Variants in RIPK4 observed in about 807,000 individuals in gnomAD.
RIPK4 encodes the protein receptor interacting serine/threonine kinase 4.
RIPK4 carries 17 observed loss-of-function variants against 42.9 expected under a neutral mutation model. The ratio of observed to expected loss-of-function variants is 0.40; its 90% CI spans 0.27 to 0.59. The LOEUF is 0.59. Among genes scored for constraint, RIPK4 ranks in the 20% least tolerant of loss-of-function variants. RIPK4 has a pLI of 0.47. For synonymous variants in RIPK4, 498 were observed against 499.1 expected, an observed-to-expected ratio of 1.00 and a Z score of 0.03; for missense variants, 897 against 1,104.4, an observed-to-expected ratio of 0.81 and a Z score of 2.66.
At position 41,746,641 on chromosome 21, in the gene RIPK4, C is replaced by A. The variant is rs530359106; in HGVS notation, c.804G>T (p.Gly268=). Residue 268 remains glycine, a synonymous_variant, in exon 5 of 8, where the codon GGG becomes GGT. Transcript: ENST00000332512. ...LIRLMQRCWQ[G]DPRVRPTFQE... ...GGAAGGTGGGCCTAACTCGCGGATCCCCCTGCCAGCACCGCTGCATGAGGC... is the reference window on the plus strand; with the variant it reads ...GGAAGGTGGGCCTAACTCGCGGATCACCCTGCCAGCACCGCTGCATGAGGC... The A allele has an allele frequency of 2.9e-5, 46 of 1,610,732 alleles. No individual in the cohort carries two copies. The African/African-American group carries it at 5.9e-4, about 21-fold the overall frequency.
rs375104266 is a variant in RIPK4 at position 41,741,115 on chromosome 21, T to C, written c.2078A>G (p.Lys693Arg). Residue 693 changes from lysine (K) to arginine (R), a missense_variant, in exon 8 of 8, where the codon AAG (lysine) becomes AGG (arginine). Transcript: ENST00000332512. ...GGGTCCCCGGGCCAGCACATCGGCC[T>C]TCTCCTCGACAAGCAGCTTGACAGT... Reference protein sequence around the residue: ...LATVKLLVEEKADVLARGPLN... With the variant: ...LATVKLLVEERADVLARGPLN... 4 of 1,612,560 alleles carry C rather than the reference T, an allele frequency of 2.5e-6. No homozygotes were observed. In the African/African-American group the frequency reaches 5.3e-5, roughly 22 times the overall value.
rs1387469072 is a variant in RIPK4 at position 41,742,214 on chromosome 21, C to T, written c.1196-217G>A. Among the ~76,000 whole-genome samples the T allele has an allele frequency of 2.0e-5, 3 of 152,162 alleles. No individual in the cohort carries two copies. The highest frequency in any genetic ancestry group is 2.4e-5 in the African/African-American group (1 of 41,442). On this transcript the variant is annotated intron_variant, in intron 7 of 7. Transcript: ENST00000332512. This position sits in a 1 kb window ranked among gnomAD's most constrained non-coding sequence, Gnocchi z 5.1. ...GGCTGGCGAATGTCTCCCAGGTGCT[C>T]GTTAGTCGGTTTGCAAAATAAAACC...
intron 1 of RIPK4, among the ~76,000 whole-genome samples, chr21:41,761,795 G>T (rs1264128456): frequency 1.3e-5 from 2 of 152,198 alleles, no homozygotes; most frequent in Admixed American, 6.5e-5. Context: ...TCCACAAATA[G>T]TGTTTTCTTT....
rs1477516241 is a variant in RIPK4 at position 41,741,033 on chromosome 21, C to T, written c.2160G>A (p.Glu720=). ...CAATGACATCGGCGCTGACCAACTC[C>T]TCCACCACCTCCGAGTGCCCGTGGG... ...AAAHGHSEVV[E]ELVSADVIDL... Residue 720 remains glutamate (E), a synonymous_variant, in exon 8 of 8, where the codon GAG becomes GAA. Coordinates refer to ENST00000332512, the MANE Select transcript of RIPK4 (RefSeq NM_020639.3). 1 of 1,609,670 alleles carries T rather than the reference C, an allele frequency of 6.2e-7. No homozygotes were observed. Among genetic ancestry groups the T allele is most frequent in the East Asian group, 2.2e-5 (1 of 44,820 alleles).
rs2061148232 is a variant in RIPK4, at chr21:41,740,265, C to T, written c.*573G>A. 1 of 152,354 alleles carries T rather than the reference C, an allele frequency of 6.6e-6. No individual in the cohort carries two copies. The highest frequency in any genetic ancestry group is 6.5e-5 in the Admixed American group (1 of 15,292). 9.4% of individuals were successfully genotyped at this position (152,354 alleles called of 1,614,324 possible). A position where few individuals can be genotyped will look rare whatever the true frequency, so the allele number is the denominator to read the frequency against. On this transcript the variant is annotated 3_prime_UTR_variant, in exon 8 of 8. Transcript: ENST00000332512. ...CATAAAACATTGTTTTCAAAGCCAACCCCACTACTTAGTCATCATTTAGAG... is the reference window on the plus strand; with the variant it reads ...CATAAAACATTGTTTTCAAAGCCAATCCCACTACTTAGTCATCATTTAGAG...
chr21:41,766,714 G>T, intron 1 of RIPK4, 146 bp downstream of exon 1: 1 of 849,924 alleles, frequency 1.2e-6, no homozygotes, highest in Non-Finnish European at 1.7e-6. Context: ...TCGGAGCCCC[G>T]CGGCCTCGCC....
chr21:41,756,599 A>T lies in RIPK4; in HGVS notation c.400T>A (p.Cys134Ser), dbSNP rs1329451406. The change falls in exon 2 of 8, where the codon TGC becomes AGC. Residue 134 changes from cysteine to serine, a missense_variant. Cys to Ser is a moderately radical substitution (Grantham distance 112). Coordinates refer to ENST00000332512, the MANE Select transcript of RIPK4 (RefSeq NM_020639.3). ...AGGTGCAGGAGTGGCGGGGCCATGC[A>T]GTGCAGGAAGTTCATGCCCACCGCC... ...ETAVGMNFLH[C>S]MAPPLLHLDL... 1.9e-6 allele frequency: 3 copies of T among 1,613,370 alleles called. No individual in the cohort carries two copies. Among genetic ancestry groups the T allele is most frequent in the African/African-American group, 1.3e-5 (1 of 74,854 alleles).
At chr21:41,743,796 T>G in intron 7 of RIPK4, 86 bp downstream of exon 7, 3 of 1,462,994 alleles carry the variant, frequency 2.1e-6, no homozygotes, top group Non-Finnish European at 2.7e-6. Context: ...AACTGTCCCC[T>G]TGATTCCGTT....
Position 41,756,756 on chromosome 21 carries a change from G to T in RIPK4, c.243C>A (p.Ile81=). Residue 81 remains isoleucine, a synonymous_variant, in exon 2 of 8, where the codon ATC becomes ATA. Transcript: ENST00000332512. ...KKMEMAKFRY[I]LPVYGICREP... is the part of the protein sequence containing the mutation. ...CGCGGCAGATGCCATACACAGGCAG[G>T]ATGTAGCGAAACTTGGCCATCTCCA... The T allele has an allele frequency of 6.2e-7, 1 of 1,614,174 alleles. No homozygotes were observed. Among genetic ancestry groups the T allele is most frequent in the Non-Finnish European group, 8.5e-7 (1 of 1,180,010 alleles).
At chr21:41,765,142 T>G (rs774573965) in intron 1 of RIPK4, among the ~76,000 whole-genome samples, 1 of 152,138 alleles carries the variant, frequency 6.6e-6, no homozygotes, top group Non-Finnish European at 1.5e-5. Context: ...AGGTGCTTGT[T>G]TACTTTGCTC....
intron 5 of RIPK4, among the ~76,000 whole-genome samples, chr21:41,746,390 C>T (rs967606383): frequency 4.6e-5 from 7 of 152,358 alleles, no homozygotes; most frequent in East Asian, 3.9e-4. Flanking sequence ...GAGCAGGGGG[C>T]GGATGGTTGG....
chr21:41,741,648 C>G lies in RIPK4; in HGVS notation c.1545G>C (p.Gly515=). ...ACAGCAGCCGTGTGCTAGACTCGTCCCCGTTCTGGGCTGCAAAGTGGAGGG... is the reference window on the plus strand; with the variant it reads ...ACAGCAGCCGTGTGCTAGACTCGTCGCCGTTCTGGGCTGCAAAGTGGAGGG... ...WTALHFAAQN[G]DESSTRLLLE... The change falls in exon 8 of 8, where the codon GGG becomes GGC. Residue 515 remains glycine (G), a synonymous_variant. Transcript: ENST00000332512. 1 of 1,613,644 alleles carries G rather than the reference C, an allele frequency of 6.2e-7. No homozygotes were observed. The highest frequency in any genetic ancestry group is 1.1e-5 in the South Asian group (1 of 91,090).
chr21:41,741,835 C>T lies in RIPK4; in HGVS notation c.1358G>A (p.Cys453Tyr). ...HLAVEAGQEECAKWLLLNNAN... is the reference protein window; with the variant it reads ...HLAVEAGQEEYAKWLLLNNAN... ...ATTGTTGAGCAGCAGCCACTTGGCGCACTCCTCTTGCCCGGCCTCCACCGC... is the reference window on the plus strand; with the variant it reads ...ATTGTTGAGCAGCAGCCACTTGGCGTACTCCTCTTGCCCGGCCTCCACCGC... Residue 453 changes from cysteine (C) to tyrosine (Y), a missense_variant, in exon 8 of 8, where the codon TGC (cysteine) becomes TAC (tyrosine). Coordinates refer to ENST00000332512, the MANE Select transcript of RIPK4 (RefSeq NM_020639.3). The T allele has an allele frequency of 6.2e-7, 1 of 1,612,214 alleles. No homozygotes were observed. Among genetic ancestry groups the T allele is most frequent in the Non-Finnish European group, 8.5e-7 (1 of 1,179,984 alleles).
intron 3 of RIPK4, 63 bp from the exon 4 acceptor site, chr21:41,749,266 T>C (rs1177448998): frequency 4.5e-6 from 7 of 1,545,828 alleles, no homozygotes; most frequent in South Asian, 1.1e-5. Context: ...AATGCACTCA[T>C]GCACAGCAAC....
At chr21:41,766,832 G>T (rs1302460541) in intron 1 of RIPK4, 28 bp downstream of exon 1, 3 of 1,591,370 alleles carry the variant, frequency 1.9e-6, no homozygotes, top group Admixed American at 1.7e-5. Flanking sequence ...GGCCCCAGCC[G>T]CCCCAGCGCC....
rs746978130 is a variant in RIPK4 at position 41,766,849 on chromosome 21, G to C, written c.182+11C>G. On this transcript the variant is annotated intron_variant, in intron 1 of 7. Coordinates refer to ENST00000332512, the MANE Select transcript of RIPK4 (RefSeq NM_020639.3). ...CCCCAGCCGCCCCAGCGCCCCGCCC[G>C]GGCCGCTCACCTGTCGTCGACGTGC... The C allele has an allele frequency of 6.2e-7, 1 of 1,602,558 alleles. No individual in the cohort carries two copies. Among genetic ancestry groups the C allele is most frequent in the Non-Finnish European group, 8.5e-7 (1 of 1,175,288 alleles).
intron 1 of RIPK4, among the ~76,000 whole-genome samples, chr21:41,765,885 C>A (rs1426274326): frequency 7.2e-5 from 11 of 152,334 alleles, no homozygotes; most frequent in African/African-American, 2.6e-4. Context: ...TCTACAACAA[C>A]AAAGAGGTAC....
In RIPK4 at chr21:41,740,559, AC is replaced by A; in HGVS notation, c.*278del. 1 of 430,724 alleles carries A rather than the reference AC, an allele frequency of 2.3e-6. No homozygotes were observed. Among genetic ancestry groups the A allele is most frequent in the Non-Finnish European group, 4.1e-6 (1 of 242,616 alleles). 26.7% of individuals were successfully genotyped at this position (430,724 alleles called of 1,614,324 possible). On this transcript the variant is annotated 3_prime_UTR_variant, in exon 8 of 8. Transcript: ENST00000332512. ...CATCACTGAGAGACCAGCCTCAGCG[AC>A]CCATTAGGAGCACAACGAAATGATT... is the stretch of plus-strand genomic sequence containing the variant.
Position 41,755,463 on chromosome 21 carries a change from C to T in RIPK4, c.474+1062G>A, listed in dbSNP as rs538794442. 4.6e-5 allele frequency among the ~76,000 whole-genome samples: 7 copies of T among 152,294 alleles called. No homozygotes were observed. In the East Asian group the frequency reaches 7.7e-4, roughly 17 times the overall value. On this transcript the variant is annotated intron_variant, in intron 2 of 7. Transcript: ENST00000332512. The surrounding 1 kb of genome is among the most constrained non-coding windows in gnomAD (Gnocchi z 4.2). ...GCCGTGCGCATGCCATACGAGCCAC[C>T]GCTCCCGTCCCACCCAAGAGCTCAG...
Sources: gnomAD v4.1 joint callset for allele counts (sites outside exome capture counted in the v4.1 genomes callset) on GRCh38, gnomAD v4.1.1 for gene constraint, Gnocchi (gnomAD v3.1) non-coding constraint, MANE v1.5 for transcripts, NCBI Gene and HGNC (gene_info 2026-07-23, HGNC 2026-07-21) for gene names.